The following NAALADL2 variants were observed in gnomAD, a reference collection of about 807,000 sequenced individuals.
NAALADL2 encodes inactive N-acetylated-alpha-linked acidic dipeptidase-like protein 2.
In NAALADL2, 76 loss-of-function variants were observed where a neutral mutation model predicts 87.2. That is an observed-to-expected ratio of 0.87 (90% CI 0.72 to 1.05). NAALADL2 has a LOEUF of 1.05. Ranked by LOEUF, NAALADL2 falls within the 50% of genes least tolerant of loss-of-function variation. NAALADL2 has a pLI of 0.00. For synonymous variants in NAALADL2, 354 were observed against 331.0 expected (o/e 1.07, Z -0.75); for missense variants, 1,089 against 945.8 (o/e 1.15, Z -1.99).
chr3:175,404,401 T>G (rs1711909506), intron 5 of NAALADL2, among the ~76,000 whole-genome samples: 1 of 152,138 alleles, frequency 6.6e-6, no homozygotes, highest in South Asian at 2.1e-4. Flanking sequence ...ACCAAATAAC[T>G]GTTACCCATC....
rs1278192087 is a variant in NAALADL2, at chr3:175,698,504, A to ATATATATATATATATAT, written c.1897-38802_1897-38801insTATATATATATATATAT. 6.4e-4 allele frequency among the ~76,000 whole-genome samples: 56 copies of ATATATATATATATATAT among 86,984 alleles called. 2 individuals are homozygous for ATATATATATATATATAT. Among genetic ancestry groups the ATATATATATATATATAT allele is most frequent in the African/African-American group, 2.2e-3 (35 of 16,190 alleles). The allele number at this position is 86,984 out of a possible 152,430, so 57.1% of individuals were successfully genotyped here. On this transcript the variant is annotated intron_variant, in intron 11 of 13. Transcript: ENST00000454872. ...ATATTTATATATATATATATATATAAAATCTCCAAGCAAATTCCTATGTAC... is the reference window on the plus strand; with the variant it reads ...ATATTTATATATATATATATATATAATATATATATATATATATAATCTCCAAGCAAATTCCTATGTAC...
At chr3:175,718,296 C>G in intron 11 of NAALADL2, 1 of 1,586,098 alleles carries the variant, frequency 6.3e-7, no homozygotes, top group Non-Finnish European at 8.6e-7. Flanking sequence ...CGTTAGGCGC[C>G]GAAGCTCTTG....
At chr3:174,674,064 C>T (rs628356) in intron 2 of NAALADL2, among the ~76,000 whole-genome samples, 113,220 of 151,872 alleles carry the variant, frequency 0.75, 42,443 homozygotes, top group East Asian at 0.9. Flanking sequence ...GTACAAGCAT[C>T]GTGCTGGCAT....
At chr3:174,476,883 T>A (rs891418301) in intron 1 of NAALADL2, among the ~76,000 whole-genome samples, 15 of 152,228 alleles carry the variant, frequency 9.9e-5, no homozygotes, top group Non-Finnish European at 1.3e-4. Flanking sequence ...AAATGAGAAT[T>A]TCTGAGGACT....
intron 2 of NAALADL2, among the ~76,000 whole-genome samples, chr3:175,228,447 T>C (rs1744471459): frequency 6.6e-6 from 1 of 151,666 alleles, no homozygotes; most frequent in South Asian, 2.1e-4. Flanking sequence ...GCTGAATACA[T>C]TATAACATAA....
intron 3 of NAALADL2, among the ~76,000 whole-genome samples, chr3:175,236,440 T>TC (rs1013784913): frequency 6.0e-5 from 9 of 150,038 alleles, no homozygotes; most frequent in Non-Finnish European, 1.2e-4. Context: ...TCCCAGCTAC[T>TC]CCTGAGGCTG....
At chr3:175,627,127 C>G (rs1417432663) in intron 10 of NAALADL2, among the ~76,000 whole-genome samples, 164 bp from the exon 11 acceptor site, 1 of 151,804 alleles carries the variant, frequency 6.6e-6, no homozygotes, top group Non-Finnish European at 1.5e-5. Flanking sequence ...TTAATTTATA[C>G]ATATTCTGGG....
At chr3:175,150,389 G>A (rs1731373859) in intron 2 of NAALADL2, among the ~76,000 whole-genome samples, 1 of 152,038 alleles carries the variant, frequency 6.6e-6, no homozygotes, top group Non-Finnish European at 1.5e-5. Flanking sequence ...GTTTATCTCA[G>A]CTGTTAAGAA....
At chr3:175,342,505 C>CGTGTGTGTGT (rs35444340) in intron 5 of NAALADL2, among the ~76,000 whole-genome samples, 1,885 of 146,694 alleles carry the variant, frequency 0.013, 32 homozygotes, top group African/African-American at 0.039. Context: ...CCAAATATTG[C>CGTGTGTGTGT]GTGTGTGTGT....
At chr3:175,296,199 G>T (rs1756355723) in intron 4 of NAALADL2, among the ~76,000 whole-genome samples, 1 of 118,494 alleles carries the variant, frequency 8.4e-6, no homozygotes, top group African/African-American at 2.8e-5. Flanking sequence ...AGGATTTTCA[G>T]TTGCCATAAT....
At chr3:174,878,671 CTT>C (rs1329087652) in intron 1 of NAALADL2, among the ~76,000 whole-genome samples, 4 of 152,058 alleles carry the variant, frequency 2.6e-5, no homozygotes, top group African/African-American at 9.6e-5. Context: ...TTCTGCCGCT[CTT>C]TTCTATTTGC....
intron 4 of NAALADL2, among the ~76,000 whole-genome samples, chr3:175,285,351 G>C (rs1754853908): frequency 6.6e-6 from 1 of 152,056 alleles, no homozygotes; most frequent in African/African-American, 2.4e-5. Context: ...CATCTTCTTA[G>C]TCTATTTTGA....
At chr3:175,193,540 T>G (rs1164667031) in intron 2 of NAALADL2, among the ~76,000 whole-genome samples, 7 of 151,902 alleles carry the variant, frequency 4.6e-5, no homozygotes, top group Admixed American at 6.6e-5. Flanking sequence ...AGAGGTGAGA[T>G]AAGAAATAAC....
intron 5 of NAALADL2, among the ~76,000 whole-genome samples, chr3:175,395,079 G>T (rs969036396): frequency 6.6e-6 from 1 of 152,078 alleles, no homozygotes; most frequent in Non-Finnish European, 1.5e-5. Context: ...GAACACAAGC[G>T]TTGGGATACC....
intron 1 of NAALADL2, among the ~76,000 whole-genome samples, chr3:174,884,719 C>G (rs1177515561): frequency 1.3e-5 from 2 of 152,164 alleles, no homozygotes; most frequent in Non-Finnish European, 1.5e-5. Flanking sequence ...CAACCATTAT[C>G]CCACACCCTT....
chr3:175,317,278 T>G (rs895648538), intron 4 of NAALADL2, among the ~76,000 whole-genome samples: 1 of 152,024 alleles, frequency 6.6e-6, no homozygotes, highest in African/African-American at 2.4e-5. Context: ...AGTCAAATAG[T>G]TATTGTACTT....
intron 2 of NAALADL2, among the ~76,000 whole-genome samples, chr3:174,615,490 C>G (rs555502264): frequency 4.6e-5 from 7 of 152,280 alleles, no homozygotes; most frequent in Admixed American, 2.6e-4. Flanking sequence ...GTAGCACTAT[C>G]ATTGGGAAGA....
At chr3:174,692,164 G>A (rs1043160269) in intron 2 of NAALADL2, 1 of 152,186 alleles carries the variant, frequency 6.6e-6, no homozygotes, top group Non-Finnish European at 1.5e-5. Context: ...GAATCACTAT[G>A]TATGGCAGCT....
chr3:174,997,059 T>TA (rs781388661), intron 1 of NAALADL2, among the ~76,000 whole-genome samples: 27,492 of 137,528 alleles, frequency 0.2, 2,922 homozygotes, highest in Middle Eastern at 0.33. Flanking sequence ...TATATATATA[T>TA]TTTTTTTTTT....
Sources: gnomAD v4.1 joint callset for allele counts (sites outside exome capture counted in the v4.1 genomes callset) on GRCh38, gnomAD v4.1.1 for gene constraint, MANE v1.5 for transcripts, NCBI Gene and HGNC (gene_info 2026-07-23, HGNC 2026-07-21) for gene names.